CEP83: variants seen among roughly 807,000 people sequenced by gnomAD.
The protein encoded by CEP83 is centrosomal protein 83.
A neutral mutation model predicts 101.9 loss-of-function variants in CEP83; 70 were observed. The ratio of observed to expected loss-of-function variants is 0.69; its 90% confidence interval spans 0.57 to 0.84. The LOEUF is 0.84. CEP83 is among the 40% of genes least tolerant of loss of function. The pLI is 0.00. For missense variants in CEP83, 715 were observed against 787.2 expected (o/e 0.91, Z 1.10); for synonymous variants, 264 against 267.9 (o/e 0.99, Z 0.14).
chr12:94,416,064 T>C (rs1235419886), intron 2 of CEP83, among the ~76,000 whole-genome samples: 1 of 152,170 alleles, frequency 6.6e-6, no homozygotes, highest in East Asian at 1.9e-4. Flanking sequence ...AAGCCACATA[T>C]GCTTACAAAG....
At chr12:94,310,512 C>T (rs1213777983) in intron 15 of CEP83, among the ~76,000 whole-genome samples, 1 of 152,138 alleles carries the variant, frequency 6.6e-6, no homozygotes, top group Non-Finnish European at 1.5e-5. Context: ...GGGATTAGTT[C>T]CAGGACATCC....
the CEP83 span, among the ~76,000 whole-genome samples, chr12:94,267,625 G>T: frequency 6.6e-6 from 1 of 152,220 alleles, no homozygotes; most frequent in African/African-American, 2.4e-5. Context: ...CTTTAAAAAT[G>T]ATTGTTAGTG....
chr12:94,432,479 G>C (rs867529751), intron 2 of CEP83, among the ~76,000 whole-genome samples: 1 of 152,072 alleles, frequency 6.6e-6, no homozygotes, highest in Admixed American at 6.6e-5. Flanking sequence ...ATTACAATAA[G>C]TGAAATAAGC....
At chr12:94,337,007 G>C (rs2059477920) in intron 11 of CEP83, among the ~76,000 whole-genome samples, 1 of 152,158 alleles carries the variant, frequency 6.6e-6, no homozygotes, top group Non-Finnish European at 1.5e-5. Flanking sequence ...GATGAAAATG[G>C]AACAGAGAAC....
In CEP83 at chr12:94,426,627, G is replaced by A. The variant is rs116299239; in HGVS notation, c.-102+8648C>T. On this transcript the variant is annotated intron_variant, in intron 2 of 16. Transcript: ENST00000397809. ...GGCTGAATGCTAGCCCTCAAAATAT[G>A]TCATTTCCTAATCTCTGGATGCTAT... 2.6e-5 allele frequency among the ~76,000 whole-genome samples: 4 copies of A among 152,190 alleles called. 1 individual carries two copies. The highest frequency in any genetic ancestry group is 2.6e-4 in the Admixed American group (4 of 15,294).
chr12:94,282,887 C>T, the CEP83 span: 3 of 155,588 alleles, frequency 1.9e-5, no homozygotes, highest in East Asian at 1.9e-4. Flanking sequence ...CCTTTGGCCT[C>T]TTAACCCACA....
intron 8 of CEP83, among the ~76,000 whole-genome samples, chr12:94,375,249 GA>G (rs1221169143): frequency 6.6e-6 from 1 of 152,060 alleles, no homozygotes; most frequent in African/African-American, 2.4e-5. Flanking sequence ...GAGGAAGAAG[GA>G]AGATGCTGTT....
intron 2 of CEP83, among the ~76,000 whole-genome samples, chr12:94,414,618 T>C (rs116805949): frequency 3.3e-5 from 5 of 152,228 alleles, no homozygotes; most frequent in Non-Finnish European, 7.3e-5. Flanking sequence ...AACTTTTCCA[T>C]GCACTGAGAA....
downstream of CEP83, chr12:94,305,325 A>T (rs763340906): frequency 7.9e-7 from 1 of 1,268,156 alleles, no homozygotes; most frequent in South Asian, 1.3e-5. Context: ...AGTTCTTCAG[A>T]CGACTTGGGA....
chr12:94,277,088 A>C, the CEP83 span: 1 of 152,168 alleles, frequency 6.6e-6, no homozygotes, highest in African/African-American at 2.4e-5. Flanking sequence ...GTGGCTTATA[A>C]ATAATAGAAA....
At position 94,393,287 on chromosome 12, in the gene CEP83, G is replaced by A. The variant is rs189967090; in HGVS notation, c.549+7563C>T. Among the ~76,000 whole-genome samples, 359 of 152,132 alleles carry A rather than the reference G, an allele frequency of 2.4e-3. 2 individuals carry two copies. Among genetic ancestry groups the A allele is most frequent in the African/African-American group, 8.3e-3 (344 of 41,484 alleles). On this transcript the variant is annotated intron_variant, in intron 6 of 16. Transcript: ENST00000397809. ...AAAAGCTTATCCACCATGATCAAGCGGGCTTCATCCCTGGGATGCAAGGCT... is the reference window on the plus strand; with the variant it reads ...AAAAGCTTATCCACCATGATCAAGCAGGCTTCATCCCTGGGATGCAAGGCT...
At chr12:94,361,510 A>G (rs1297850954) in intron 11 of CEP83, 2 of 152,284 alleles carry the variant, frequency 1.3e-5, no homozygotes, top group South Asian at 2.1e-4. Context: ...TGGGCAACAC[A>G]GCAAAATCCC....
At chr12:94,275,462 C>T in the CEP83 span, among the ~76,000 whole-genome samples, 1 of 152,162 alleles carries the variant, frequency 6.6e-6, no homozygotes, top group Admixed American at 6.5e-5. Flanking sequence ...GCATCTGCTC[C>T]CCATCACAGA....
chr12:94,389,118 C>T (rs1180282823), intron 6 of CEP83, among the ~76,000 whole-genome samples: 3 of 151,990 alleles, frequency 2.0e-5, no homozygotes, highest in Non-Finnish European at 4.4e-5. Flanking sequence ...CAGAGTAAGA[C>T]TTTGTCTTAA....
At chr12:94,434,492 A>G (rs541851698) in intron 2 of CEP83, among the ~76,000 whole-genome samples, 66 of 152,326 alleles carry the variant, frequency 4.3e-4, no homozygotes, top group African/African-American at 1.5e-3. Flanking sequence ...AAAGCTCAAA[A>G]CCATAGTAAT....
At chr12:94,289,480 T>C in the CEP83 span, among the ~76,000 whole-genome samples, 1 of 152,206 alleles carries the variant, frequency 6.6e-6, no homozygotes, top group Non-Finnish European at 1.5e-5. Flanking sequence ...ATCCATCTAG[T>C]GACATTAATC....
chr12:94,411,886 C>G (rs2063906173), intron 3 of CEP83, 39 bp from the exon 4 acceptor site: 1 of 1,532,660 alleles, frequency 6.5e-7, no homozygotes, highest in Admixed American at 1.8e-5. Flanking sequence ...TGAGTAAATC[C>G]TTTCTTTCTA....
At chr12:94,425,892 G>A (rs1211158921) in intron 2 of CEP83, among the ~76,000 whole-genome samples, 1 of 152,068 alleles carries the variant, frequency 6.6e-6, no homozygotes, top group Non-Finnish European at 1.5e-5. Flanking sequence ...AGGCCAAGGT[G>A]GGCGGATCAC....
In CEP83 at chr12:94,428,803, A is replaced by G. The variant is rs183482159; in HGVS notation, c.-102+6472T>C. 4.5e-3 allele frequency among the ~76,000 whole-genome samples: 681 copies of G among 152,336 alleles called. 2 individuals are homozygous for G. Among genetic ancestry groups the G allele is most frequent in the African/African-American group, 0.015 (639 of 41,582 alleles). On this transcript the variant is annotated intron_variant, in intron 2 of 16. Coordinates refer to ENST00000397809, the MANE Select transcript of CEP83 (RefSeq NM_016122.3). ...AGTAAAAGGGTTTTGAGAGATATAAAAAATATACAGACCATCAAGTCAAGC... is the reference window on the plus strand; with the variant it reads ...AGTAAAAGGGTTTTGAGAGATATAAGAAATATACAGACCATCAAGTCAAGC...
Sources: allele counts gnomAD v4.1 joint callset (sites outside exome capture counted in the v4.1 genomes callset), GRCh38; gene constraint gnomAD v4.1.1; transcripts MANE v1.5; gene names NCBI Gene and HGNC (gene_info 2026-07-23, HGNC 2026-07-21).